Variants in CPM observed in about 807,000 individuals in gnomAD.
The protein encoded by CPM is renal carboxypeptidase.
Under a neutral mutation model 46.4 loss-of-function variants are expected in CPM, and 35 were observed. That is an observed-to-expected ratio of 0.75 (90% CI 0.58 to 1.00). CPM has a LOEUF of 1.00. CPM is among the 50% of genes least tolerant of loss of function. The pLI, the probability that CPM is intolerant of heterozygous loss-of-function variation, is 0.00. For synonymous variants in CPM, 195 were observed against 195.3 expected, an observed-to-expected ratio of 1.00 and a Z score of 0.01; for missense variants, 422 against 530.4, an observed-to-expected ratio of 0.80 and a Z score of 2.01.
chr12:68,874,100 C>T (rs537827620), intron 3 of CPM, among the ~76,000 whole-genome samples: 14 of 152,090 alleles, frequency 9.2e-5, no homozygotes, highest in Admixed American at 3.9e-4. Context: ...CCACCGCGCC[C>T]GGCCAGATTT....
At chr12:68,923,713 G>C (rs938292105) in intron 2 of CPM, among the ~76,000 whole-genome samples, 1 of 152,118 alleles carries the variant, frequency 6.6e-6, no homozygotes, top group African/African-American at 2.4e-5. Flanking sequence ...TCCACTAGAA[G>C]ACAAAGAAAT....
chr12:68,912,483 T>TA (rs1397016464), intron 2 of CPM, among the ~76,000 whole-genome samples: 2 of 152,174 alleles, frequency 1.3e-5, no homozygotes, highest in Non-Finnish European at 2.9e-5. Context: ...CCGTCTAACT[T>TA]AGAAACCTAT....
chr12:68,939,757 C>G (rs190575224), intron 1 of CPM, among the ~76,000 whole-genome samples: 5 of 152,184 alleles, frequency 3.3e-5, no homozygotes, highest in Non-Finnish European at 4.4e-5. Flanking sequence ...AAAGGTCATT[C>G]CAATTTACAG....
chr12:68,901,436 G>A (rs1278882714), intron 2 of CPM, among the ~76,000 whole-genome samples: 2 of 152,112 alleles, frequency 1.3e-5, no homozygotes, highest in Non-Finnish European at 2.9e-5. Context: ...AAAACACAGA[G>A]CTATACTAAC....
chr12:68,918,966 C>T (rs997660655), intron 2 of CPM, among the ~76,000 whole-genome samples: 1 of 152,240 alleles, frequency 6.6e-6, no homozygotes, highest in Non-Finnish European at 1.5e-5. Context: ...ACTCTATGCT[C>T]TGTCCCCTGT....
intron 1 of CPM, among the ~76,000 whole-genome samples, chr12:68,945,712 G>A (rs941439244): frequency 6.6e-6 from 1 of 152,102 alleles, no homozygotes; most frequent in African/African-American, 2.4e-5. Flanking sequence ...AGCTTCAGGA[G>A]TCCTTGCAGA....
In CPM at chr12:68,852,361, C is replaced by T. The variant is rs1338009966; in HGVS notation, c.*4076G>A. The T allele has an allele frequency of 6.6e-6, 1 of 152,096 alleles. No homozygotes were observed. Among genetic ancestry groups the T allele is most frequent in the Non-Finnish European group, 1.5e-5 (1 of 68,028 alleles). The allele number at this position is 152,096 out of a possible 1,614,324, so 9.4% of individuals were successfully genotyped here. ...TTAAGAAGGTATATTATACTGCCTT[C>T]AAAATACTTATTACCTGAGTGTTAA... is the stretch of plus-strand genomic sequence containing the variant. On this transcript the variant is annotated 3_prime_UTR_variant, in exon 9 of 9. Coordinates refer to ENST00000551568, the MANE Select transcript of CPM (RefSeq NM_198320.5).
intron 1 of CPM, among the ~76,000 whole-genome samples, chr12:68,950,818 A>T (rs1888921868): frequency 6.6e-6 from 1 of 152,172 alleles, no homozygotes; most frequent in African/African-American, 2.4e-5. Flanking sequence ...AGATACCATC[A>T]TGGGTTCCAG....
chr12:68,906,863 ATGCATACTGT>A (rs1297371494), intron 2 of CPM, among the ~76,000 whole-genome samples: 1 of 152,236 alleles, frequency 6.6e-6, no homozygotes, highest in Non-Finnish European at 1.5e-5. Flanking sequence ...TGGTGCATCC[ATGCATACTGT>A]TGTATAAATG....
chr12:68,882,024 CTTTTTT>C (rs60522842), intron 3 of CPM, among the ~76,000 whole-genome samples: 1 of 124,766 alleles, frequency 8.0e-6, no homozygotes, highest in East Asian at 2.2e-4. Flanking sequence ...GCCCGGCCTG[CTTTTTT>C]TTTTTTTTTT....
intron 1 of CPM, among the ~76,000 whole-genome samples, chr12:68,948,474 C>G (rs1415417584): frequency 6.6e-6 from 1 of 151,498 alleles, no homozygotes; most frequent in Non-Finnish European, 1.5e-5. Context: ...TGTTTAGTTT[C>G]TAGTGTCTGT....
intron 2 of CPM, among the ~76,000 whole-genome samples, chr12:68,901,011 G>A (rs1887088961): frequency 6.6e-6 from 1 of 152,176 alleles, no homozygotes; most frequent in South Asian, 2.1e-4. Flanking sequence ...TACCACTCTG[G>A]TGGGGGATAT....
chr12:68,869,588 C>A, intron 5 of CPM, 93 bp from the exon 6 acceptor site: 2 of 1,101,268 alleles, frequency 1.8e-6, no homozygotes, highest in South Asian at 1.7e-5. Context: ...TCGCATCACA[C>A]ACACATGCTC....
intron 2 of CPM, among the ~76,000 whole-genome samples, chr12:68,932,199 C>G (rs956999510): frequency 6.6e-6 from 1 of 152,136 alleles, no homozygotes; most frequent in East Asian, 1.9e-4. Flanking sequence ...TTTTGCATAA[C>G]TTTAAATAAA....
At chr12:68,927,914 A>G (rs1314251676) in intron 2 of CPM, among the ~76,000 whole-genome samples, 1 of 152,220 alleles carries the variant, frequency 6.6e-6, no homozygotes, top group Non-Finnish European at 1.5e-5. Flanking sequence ...ATGGGTAGGA[A>G]GAATCAATAT....
chr12:68,896,550 G>C (rs941246178), intron 2 of CPM, among the ~76,000 whole-genome samples: 1 of 152,168 alleles, frequency 6.6e-6, no homozygotes, highest in African/African-American at 2.4e-5. Flanking sequence ...GGGATTAGAT[G>C]AAACTGTTTT....
In CPM at chr12:68,856,452, G is replaced by A; in HGVS notation, c.1317C>T (p.His439=). 1.2e-6 allele frequency: 2 copies of A among 1,613,758 alleles called. No homozygotes were observed. Among genetic ancestry groups the A allele is most frequent in the Middle Eastern group, 3.3e-4 (2 of 6,062 alleles). The stretch of plus-strand genomic sequence containing the variant: ...ACATTTTACTTTATTTGAAGAATAT[G>A]TGCAAAAGACTCACTAAAAATAAGA... ...SLFLFLVSLL[H]IFFK is the part of the protein sequence containing the mutation. Residue 439 remains histidine, a synonymous_variant, in exon 9 of 9, where the codon CAC becomes CAT. Coordinates refer to ENST00000551568, the MANE Select transcript of CPM (RefSeq NM_198320.5).
intron 2 of CPM, among the ~76,000 whole-genome samples, chr12:68,892,705 C>A (rs908809389): frequency 1.3e-5 from 2 of 151,890 alleles, no homozygotes; most frequent in Non-Finnish European, 2.9e-5. Flanking sequence ...ACTAAAAATA[C>A]AAAATTAGCT....
chr12:68,950,136 C>T (rs928768791), intron 1 of CPM, among the ~76,000 whole-genome samples: 13 of 152,012 alleles, frequency 8.6e-5, no homozygotes, highest in African/African-American at 2.9e-4. Flanking sequence ...GCTGGTTCCT[C>T]AGAGGGAAAT....
Sources: gnomAD v4.1 joint callset for allele counts (sites outside exome capture counted in the v4.1 genomes callset) on GRCh38, gnomAD v4.1.1 for gene constraint, MANE v1.5 for transcripts, NCBI Gene and HGNC (gene_info 2026-07-23, HGNC 2026-07-21) for gene names.